NALF1: variants seen among roughly 807,000 people sequenced by gnomAD.
The protein encoded by NALF1 is family with sequence similarity 155 member A.
A neutral mutation model predicts 48.4 loss-of-function variants in NALF1; 3 were observed. The ratio of observed to expected loss-of-function variants is 0.06; its 90% CI spans 0.03 to 0.16. NALF1 has a LOEUF of 0.16. Among genes scored for constraint, NALF1 ranks in the 10% least tolerant of loss-of-function variants. NALF1 has a pLI of 1.00. For synonymous variants in NALF1, 262 were observed against 245.7 expected, an observed-to-expected ratio of 1.07 and a Z score of -0.62; for missense variants, 526 against 571.5, an observed-to-expected ratio of 0.92 and a Z score of 0.81.
intron 1 of NALF1, among the ~76,000 whole-genome samples, chr13:107,528,667 T>C (rs1876523911): frequency 2.0e-5 from 3 of 152,042 alleles, no homozygotes; most frequent in Admixed American, 1.3e-4. Context: ...ATAGATAACA[T>C]AGTAGGTCCT....
At chr13:107,724,560 C>CTTT (rs1285776669) in intron 1 of NALF1, among the ~76,000 whole-genome samples, 1 of 145,302 alleles carries the variant, frequency 6.9e-6, no homozygotes, top group African/African-American at 2.5e-5. Flanking sequence ...CCCTCCCTTC[C>CTTT]TTTTACTTTG....
At chr13:107,262,283 C>G (rs1404164606) in intron 1 of NALF1, among the ~76,000 whole-genome samples, 2 of 152,056 alleles carry the variant, frequency 1.3e-5, no homozygotes. Context: ...GGGGTGGTAG[C>G]ATGTGCCTGT....
intron 2 of NALF1, among the ~76,000 whole-genome samples, chr13:107,184,583 T>A (rs1879133926): frequency 6.6e-6 from 1 of 152,218 alleles, no homozygotes; most frequent in Non-Finnish European, 1.5e-5. Context: ...TTTTTCCCCA[T>A]TGCATTGCAA....
chr13:107,791,786 C>CT (rs540286894), intron 1 of NALF1, among the ~76,000 whole-genome samples: 2 of 151,770 alleles, frequency 1.3e-5, no homozygotes, highest in South Asian at 2.1e-4. Flanking sequence ...CCCGCCCCCC[C>CT]CCGTCTCTAC....
intron 1 of NALF1, among the ~76,000 whole-genome samples, chr13:107,503,897 A>C (rs1260952954): frequency 6.6e-6 from 1 of 151,284 alleles, no homozygotes; most frequent in East Asian, 1.9e-4. Flanking sequence ...TAGAAAGAAA[A>C]ATATTGCATC....
chr13:107,317,914 G>T (rs952487937), intron 1 of NALF1, among the ~76,000 whole-genome samples: 2 of 151,918 alleles, frequency 1.3e-5, no homozygotes, highest in Non-Finnish European at 2.9e-5. Flanking sequence ...ACTAACAAAT[G>T]AGTAGAGCAT....
At chr13:107,559,462 T>TA (rs1159526131) in intron 1 of NALF1, among the ~76,000 whole-genome samples, 1 of 152,076 alleles carries the variant, frequency 6.6e-6, no homozygotes, top group African/African-American at 2.4e-5. Context: ...AAGAGAAAAG[T>TA]AAAAAACCAA....
intron 1 of NALF1, among the ~76,000 whole-genome samples, chr13:107,354,227 G>A (rs562147007): frequency 6.6e-5 from 10 of 152,314 alleles, no homozygotes; most frequent in African/African-American, 2.4e-4. Context: ...AAGGCATTAT[G>A]AGCCAGCTGG....
At chr13:107,768,275 T>C (rs1483540347) in intron 1 of NALF1, among the ~76,000 whole-genome samples, 2 of 152,222 alleles carry the variant, frequency 1.3e-5, no homozygotes, top group Admixed American at 6.5e-5. Flanking sequence ...GTTTCTAACA[T>C]TATGGCTCTG....
At chr13:107,637,733 C>T (rs1880016637) in intron 1 of NALF1, among the ~76,000 whole-genome samples, 1 of 152,092 alleles carries the variant, frequency 6.6e-6, no homozygotes, top group African/African-American at 2.4e-5. Flanking sequence ...GCTGAACCAG[C>T]CACAAATAAT....
At chr13:107,428,671 C>T (rs886064165) in intron 1 of NALF1, among the ~76,000 whole-genome samples, 1 of 152,116 alleles carries the variant, frequency 6.6e-6, no homozygotes, top group Admixed American at 6.6e-5. Context: ...CAAGTATTTT[C>T]AAAAACAAAA....
chr13:107,508,486 G>C (rs1831387457), intron 1 of NALF1, among the ~76,000 whole-genome samples: 1 of 151,886 alleles, frequency 6.6e-6, no homozygotes, highest in Non-Finnish European at 1.5e-5. Context: ...AAGCTGAATT[G>C]CTTGCCTGGT....
At chr13:107,199,248 A>G (rs113153407) in intron 2 of NALF1, among the ~76,000 whole-genome samples, 3 of 152,218 alleles carry the variant, frequency 2.0e-5, no homozygotes, top group Admixed American at 1.3e-4. Flanking sequence ...AGACCATGTG[A>G]AGACACAGCG....
At chr13:107,471,749 G>C (rs936514805) in intron 1 of NALF1, among the ~76,000 whole-genome samples, 2 of 152,060 alleles carry the variant, frequency 1.3e-5, no homozygotes, top group Non-Finnish European at 2.9e-5. Flanking sequence ...GAGGAGCAGG[G>C]GATAAAATGA....
chr13:107,820,121 C>T (rs1364707889), intron 1 of NALF1, among the ~76,000 whole-genome samples: 1 of 152,134 alleles, frequency 6.6e-6, no homozygotes, highest in Non-Finnish European at 1.5e-5. Flanking sequence ...AAGTTCTGCT[C>T]CTATGCTCTT....
At chr13:107,656,209 CAG>C (rs1880569781) in intron 1 of NALF1, among the ~76,000 whole-genome samples, 1 of 151,358 alleles carries the variant, frequency 6.6e-6, no homozygotes, top group Non-Finnish European at 1.5e-5. Context: ...AAATAATCAG[CAG>C]AGTTAACAGG....
intron 1 of NALF1, among the ~76,000 whole-genome samples, chr13:107,360,406 A>G (rs1442930477): frequency 6.6e-6 from 1 of 152,200 alleles, no homozygotes; most frequent in East Asian, 1.9e-4. Context: ...AGGATAAACT[A>G]CTAATGAAAC....
At chr13:107,565,797 A>G (rs1236673884) in intron 1 of NALF1, among the ~76,000 whole-genome samples, 1 of 152,168 alleles carries the variant, frequency 6.6e-6, no homozygotes, top group Non-Finnish European at 1.5e-5. Flanking sequence ...ATTGTTCTTG[A>G]ATGTTATGAA....
At chr13:107,504,516 C>T (rs545274177) in intron 1 of NALF1, among the ~76,000 whole-genome samples, 2 of 152,274 alleles carry the variant, frequency 1.3e-5, no homozygotes, top group South Asian at 4.1e-4. Context: ...TATCCCATAA[C>T]ATCACATGAT....
Sources: gnomAD v4.1 joint callset for allele counts (sites outside exome capture counted in the v4.1 genomes callset) on GRCh38, gnomAD v4.1.1 for gene constraint, MANE v1.5 for transcripts, NCBI Gene and HGNC (gene_info 2026-07-23, HGNC 2026-07-21) for gene names.